Variants in MYO16 observed in about 807,000 individuals in gnomAD.
The protein encoded by MYO16 is unconventional myosin-XVI.
In MYO16, 94 loss-of-function variants were observed where a neutral mutation model predicts 205.3. That is an observed-to-expected ratio of 0.46 (90% confidence interval 0.39 to 0.54). The LOEUF is 0.54. MYO16 is among the 20% of genes least tolerant of loss of function. MYO16 has a pLI of 0.00. For missense variants in MYO16, 2,315 were observed against 2,387.5 expected (o/e 0.97, Z 0.63); for synonymous variants, 988 against 954.0 (o/e 1.04, Z -0.66).
intron 2 of MYO16, among the ~76,000 whole-genome samples, chr13:108,682,256 A>G (rs1448494594): frequency 6.6e-6 from 1 of 152,212 alleles, no homozygotes; most frequent in Admixed American, 6.5e-5. Context: ...GAGAAACATG[A>G]TGAATATGAT....
chr13:108,809,525 G>A (rs996403228), intron 7 of MYO16, among the ~76,000 whole-genome samples: 1 of 152,140 alleles, frequency 6.6e-6, no homozygotes, highest in Non-Finnish European at 1.5e-5. Context: ...CACATCACAC[G>A]GTGGAAGCAG....
chr13:109,174,996 C>T (rs913712214), intron 33 of MYO16, among the ~76,000 whole-genome samples: 2 of 151,902 alleles, frequency 1.3e-5, no homozygotes, highest in African/African-American at 4.8e-5. Context: ...GTGATCTGCC[C>T]GCCTCAGCCT....
intron 4 of MYO16, among the ~76,000 whole-genome samples, chr13:108,750,213 A>G (rs7332040): frequency 0.03 from 4,530 of 152,330 alleles, 220 homozygotes; most frequent in African/African-American, 0.1. Flanking sequence ...CTTTGTGAAC[A>G]AAAAAGAAAC....
intron 4 of MYO16, among the ~76,000 whole-genome samples, chr13:108,774,039 C>T (rs1260860974): frequency 3.3e-5 from 5 of 152,036 alleles, no homozygotes; most frequent in Middle Eastern, 6.8e-3. Flanking sequence ...TGCAGTGACC[C>T]GAGATTGCGC....
intron 9 of MYO16, among the ~76,000 whole-genome samples, chr13:108,829,731 G>A (rs1876494366): frequency 6.6e-6 from 1 of 152,146 alleles, no homozygotes; most frequent in East Asian, 1.9e-4. Context: ...TGACTCTTGG[G>A]GAGGAGAAAT....
At chr13:109,132,487 G>A (rs1450714924) in intron 31 of MYO16, among the ~76,000 whole-genome samples, 4 of 152,110 alleles carry the variant, frequency 2.6e-5, no homozygotes, top group Non-Finnish European at 5.9e-5. Context: ...AACAACATGT[G>A]TCACATAGTA....
At chr13:108,920,369 T>C (rs1881688545) in intron 16 of MYO16, among the ~76,000 whole-genome samples, 1 of 150,716 alleles carries the variant, frequency 6.6e-6, no homozygotes, top group South Asian at 2.1e-4. Context: ...TCTTTCTCTC[T>C]TTCTTTCCTT....
intron 30 of MYO16, among the ~76,000 whole-genome samples, chr13:109,126,079 A>T (rs1325921125): frequency 6.6e-6 from 1 of 152,190 alleles, no homozygotes; most frequent in Non-Finnish European, 1.5e-5. Context: ...TTGTTTTGCT[A>T]TAGAAACTTG....
the MYO16 span, among the ~76,000 whole-genome samples, chr13:108,510,015 A>G: frequency 6.6e-6 from 1 of 152,254 alleles, no homozygotes; most frequent in Non-Finnish European, 1.5e-5. Flanking sequence ...GCCATGGTCA[A>G]GTAACACCTG....
rs529002236 is a variant in MYO16, at chr13:108,629,783, C to T, written c.-62C>T. ...CTTTAAGTAATGCATTTCCTGGGAACGACAGTTGTGACAGAAGAGAATGCT... is the reference window on the plus strand; with the variant it reads ...CTTTAAGTAATGCATTTCCTGGGAATGACAGTTGTGACAGAAGAGAATGCT... On this transcript the variant is annotated 5_prime_UTR_variant, in exon 1 of 35. The change creates a new upstream start codon in the 5' untranslated region. Coordinates refer to ENST00000457511, the MANE Select transcript of MYO16 (RefSeq NM_001198950.3). 21 of 1,469,596 alleles carry T rather than the reference C, an allele frequency of 1.4e-5. No individual in the cohort carries two copies. The highest frequency in any genetic ancestry group is 3.7e-5 in the South Asian group (3 of 80,740). The allele number at this position is 1,469,596 out of a possible 1,614,324, so 91.0% of individuals were successfully genotyped here. A position where few individuals can be genotyped will look rare whatever the true frequency, so the allele number is the denominator to read the frequency against.
rs192292931 is a variant in MYO16 at position 108,739,090 on chromosome 13, A to G, written c.507+11507A>G. Among the ~76,000 whole-genome samples, 28 of 152,202 alleles carry G rather than the reference A, an allele frequency of 1.8e-4. 1 individual carries two copies. The East Asian group carries it at 4.8e-3, about 26-fold the overall frequency. ...CACTGATGGGTCTTGACTCTATCCA[A>G]TTTGCCAGTCTGTGTCTTTTAATTG... On this transcript the variant is annotated intron_variant, in intron 4 of 34. Coordinates refer to ENST00000457511, the MANE Select transcript of MYO16 (RefSeq NM_001198950.3).
chr13:109,176,077 G>A (rs1879159758), intron 33 of MYO16, among the ~76,000 whole-genome samples: 1 of 152,152 alleles, frequency 6.6e-6, no homozygotes, highest in African/African-American at 2.4e-5. Context: ...AAAATTGACA[G>A]CCCCAAGGCT....
rs61970163 is a variant in MYO16 at position 108,997,913 on chromosome 13, C to A, written c.2442+5465C>A. 7.7e-3 allele frequency among the ~76,000 whole-genome samples: 1,175 copies of A among 152,292 alleles called. 9 individuals carry two copies. Among genetic ancestry groups the A allele is most frequent in the Non-Finnish European group, 0.014 (964 of 68,020 alleles). ...CTTTATCTAAATTGATTTCATCAGACTTGTCAAGAATTCAAATCATTTCCC... is the reference window on the plus strand; with the variant it reads ...CTTTATCTAAATTGATTTCATCAGAATTGTCAAGAATTCAAATCATTTCCC... On this transcript the variant is annotated intron_variant, in intron 21 of 34. Transcript: ENST00000457511.
chr13:108,886,668 A>T (rs1192352946), intron 13 of MYO16, among the ~76,000 whole-genome samples: 1 of 149,940 alleles, frequency 6.7e-6, no homozygotes, highest in Non-Finnish European at 1.5e-5. Context: ...CACGTGTGCT[A>T]AGGAACGGAC....
intron 31 of MYO16, among the ~76,000 whole-genome samples, chr13:109,138,420 A>G (rs909798906): frequency 6.6e-6 from 1 of 152,220 alleles, no homozygotes; most frequent in African/African-American, 2.4e-5. Context: ...TATTTATTTA[A>G]TAAAACATTA....
chr13:109,105,920 G>A (rs1889110379), intron 28 of MYO16, among the ~76,000 whole-genome samples: 1 of 152,166 alleles, frequency 6.6e-6, no homozygotes, highest in Non-Finnish European at 1.5e-5. Context: ...TTTGAAGAAA[G>A]GAAAATCAGG....
At chr13:108,973,554 G>A (rs948988713) in intron 20 of MYO16, among the ~76,000 whole-genome samples, 9 of 152,086 alleles carry the variant, frequency 5.9e-5, no homozygotes, top group Admixed American at 4.6e-4. Flanking sequence ...CATTCACAAC[G>A]TTGCCCCTGT....
At chr13:109,174,737 T>G (rs566615330) in intron 33 of MYO16, among the ~76,000 whole-genome samples, 51 of 144,982 alleles carry the variant, frequency 3.5e-4, no homozygotes, top group Admixed American at 6.4e-4. Context: ...TCTTTCTCAT[T>G]CTTGTCTTGT....
intron 2 of MYO16, among the ~76,000 whole-genome samples, chr13:108,696,789 C>T (rs1408977047): frequency 6.6e-6 from 1 of 152,134 alleles, no homozygotes; most frequent in Non-Finnish European, 1.5e-5. Context: ...CATGGAACTG[C>T]ATAGTTGCAG....
Sources: allele counts gnomAD v4.1 joint callset (sites outside exome capture counted in the v4.1 genomes callset), GRCh38; gene constraint gnomAD v4.1.1; transcripts MANE v1.5; gene names NCBI Gene and HGNC (gene_info 2026-07-23, HGNC 2026-07-21).